DCDC1: variants seen among roughly 807,000 people sequenced by gnomAD.
DCDC1 encodes the protein doublecortin domain-containing protein 1.
Under a neutral mutation model 178.3 loss-of-function variants are expected in DCDC1, and 200 were observed. The ratio of observed to expected loss-of-function variants is 1.12; its 90% CI spans 1.00 to 1.26. DCDC1 has a LOEUF of 1.26. Ranked by LOEUF, DCDC1 falls within the 50% of genes most tolerant of loss-of-function variation. The pLI is 0.00. For synonymous variants in DCDC1, 690 were observed against 604.8 expected (o/e 1.14, Z -2.07); for missense variants, 1,983 against 1,749.2 (o/e 1.13, Z -2.38).
chr11:30,904,679 G>A (rs1021054298), intron 31 of DCDC1: 3 of 417,558 alleles, frequency 7.2e-6, no homozygotes, highest in Non-Finnish European at 1.3e-5. Context: ...TCACAAGAAG[G>A]AAGAAAATCC....
intron 20 of DCDC1, among the ~76,000 whole-genome samples, chr11:31,051,977 T>C (rs1003831497): frequency 2.0e-5 from 3 of 152,046 alleles, no homozygotes; most frequent in African/African-American, 7.2e-5. Context: ...ATGAGCAAGA[T>C]GAAAGCAATG....
chr11:31,143,673 T>C (rs1004031270), intron 9 of DCDC1, among the ~76,000 whole-genome samples: 1 of 152,212 alleles, frequency 6.6e-6, no homozygotes, highest in Non-Finnish European at 1.5e-5. Context: ...ATCTTAGAGA[T>C]GCCTTAACTA....
chr11:31,366,232 T>A (rs1951951318), intron 1 of DCDC1, among the ~76,000 whole-genome samples: 2 of 152,188 alleles, frequency 1.3e-5, no homozygotes, highest in South Asian at 4.1e-4. Flanking sequence ...ACCATGATAC[T>A]AACATAGTTT....
At chr11:31,300,077 T>C (rs1247960195) in intron 6 of DCDC1, among the ~76,000 whole-genome samples, 1 of 150,318 alleles carries the variant, frequency 6.7e-6, no homozygotes, top group Admixed American at 6.6e-5. Flanking sequence ...AGGATAGTGT[T>C]GATCTCTTGA....
At chr11:31,036,613 G>A (rs949830841) in intron 20 of DCDC1, among the ~76,000 whole-genome samples, 5 of 152,132 alleles carry the variant, frequency 3.3e-5, no homozygotes, top group Admixed American at 1.3e-4. Flanking sequence ...TAAAATCAAT[G>A]TGCACTTGTC....
chr11:30,973,666 A>G (rs1024363812), intron 20 of DCDC1, among the ~76,000 whole-genome samples: 1 of 152,236 alleles, frequency 6.6e-6, no homozygotes, highest in African/African-American at 2.4e-5. Context: ...GTCATTATAT[A>G]ATGATAAAGT....
intron 9 of DCDC1, among the ~76,000 whole-genome samples, chr11:31,155,743 C>T (rs1965657846): frequency 6.6e-6 from 1 of 152,184 alleles, no homozygotes; most frequent in South Asian, 2.1e-4. Context: ...TAAATGCTCC[C>T]ATGAGGCAGC....
intron 20 of DCDC1, among the ~76,000 whole-genome samples, chr11:31,002,937 A>C (rs1428645722): frequency 6.6e-6 from 1 of 152,180 alleles, no homozygotes; most frequent in African/African-American, 2.4e-5. Flanking sequence ...TCCCATTCAA[A>C]AGGCCATTAA....
chr11:31,268,830 T>C (rs1248166870), intron 7 of DCDC1, among the ~76,000 whole-genome samples: 1 of 152,212 alleles, frequency 6.6e-6, no homozygotes, highest in Non-Finnish European at 1.5e-5. Flanking sequence ...TTTACATTCT[T>C]ACCAACAGTG....
intron 9 of DCDC1, among the ~76,000 whole-genome samples, chr11:31,229,489 A>G (rs1034991499): frequency 2.0e-5 from 3 of 152,212 alleles, no homozygotes; most frequent in Non-Finnish European, 2.9e-5. Flanking sequence ...GTAATTCACT[A>G]TATTAACAGT....
chr11:30,980,614 A>G (rs1950345369), intron 20 of DCDC1, among the ~76,000 whole-genome samples: 1 of 152,188 alleles, frequency 6.6e-6, no homozygotes, highest in East Asian at 1.9e-4. Context: ...ATGGGCTTCC[A>G]TTTTTGTTTT....
chr11:31,000,794 T>C (rs998334188), intron 20 of DCDC1, among the ~76,000 whole-genome samples: 68 of 152,192 alleles, frequency 4.5e-4, no homozygotes, highest in Non-Finnish European at 2.2e-4. Flanking sequence ...ACCAAGAGTA[T>C]GTAAATTTTA....
intron 20 of DCDC1, among the ~76,000 whole-genome samples, chr11:30,953,229 C>A (rs1196888611): frequency 2.0e-5 from 3 of 148,638 alleles, no homozygotes; most frequent in African/African-American, 7.3e-5. Flanking sequence ...AAAATTTCGA[C>A]CACATATTAT....
chr11:30,955,839 A>T (rs1339219490), intron 20 of DCDC1, among the ~76,000 whole-genome samples: 1 of 152,184 alleles, frequency 6.6e-6, no homozygotes, highest in Non-Finnish European at 1.5e-5. Flanking sequence ...ATTAACTTAA[A>T]AAATAAATAA....
At chr11:31,208,357 A>G (rs1972105070) in intron 9 of DCDC1, among the ~76,000 whole-genome samples, 1 of 152,070 alleles carries the variant, frequency 6.6e-6, no homozygotes, top group Non-Finnish European at 1.5e-5. Context: ...ACAATATCCA[A>G]TCCAATGGTA....
rs184778269 is a variant in DCDC1 at position 30,904,290 on chromosome 11, G to A, written c.4309-607C>T. Reference sequence around the variant, plus strand: ...TTTCAGCCAAAGAGGTGAGGGAATAGATATGTGCGCTTGCAAGGAAGTCTG... The same window carrying A: ...TTTCAGCCAAAGAGGTGAGGGAATAAATATGTGCGCTTGCAAGGAAGTCTG... On this transcript the variant is annotated intron_variant, in intron 31 of 38. Transcript: ENST00000684477. The A allele has an allele frequency of 3.3e-5, 5 of 152,604 alleles. No homozygotes were observed. The East Asian group carries it at 9.6e-4, about 29-fold the overall frequency. 9.5% of individuals were successfully genotyped at this position (152,604 alleles called of 1,614,324 possible).
chr11:30,879,544 A>G (rs1299811760), intron 37 of DCDC1, among the ~76,000 whole-genome samples: 3 of 152,160 alleles, frequency 2.0e-5, no homozygotes, highest in Non-Finnish European at 4.4e-5. Context: ...TAATCCTTTC[A>G]CCATGAAGGT....
intron 9 of DCDC1, among the ~76,000 whole-genome samples, chr11:31,187,518 C>A (rs1969647770): frequency 6.6e-6 from 1 of 152,018 alleles, no homozygotes; most frequent in South Asian, 2.1e-4. Flanking sequence ...CAAAAAAAAA[C>A]TTAATTGGAA....
intron 8 of DCDC1, 108 bp downstream of exon 8, chr11:31,265,399 T>A: frequency 2.1e-6 from 1 of 468,324 alleles, no homozygotes; most frequent in Non-Finnish European, 3.5e-6. Context: ...AAGTTATAAT[T>A]AAACTATGTT....
Sources: allele counts gnomAD v4.1 joint callset (sites outside exome capture counted in the v4.1 genomes callset), GRCh38; gene constraint gnomAD v4.1.1; transcripts MANE v1.5; gene names NCBI Gene and HGNC (gene_info 2026-07-23, HGNC 2026-07-21).